The following UGT1A3 variants were observed in gnomAD, a reference collection of about 807,000 sequenced individuals.
UGT1A3 encodes UDP glucuronosyltransferase family 1 member A3.
A neutral mutation model predicts 41.0 loss-of-function variants in UGT1A3; 31 were observed. The observed-to-expected ratio is 0.76, with a 90% CI of 0.57 to 1.02. The LOEUF (loss-of-function observed/expected upper bound fraction) is 1.02, where lower values mean the gene tolerates loss of function less well. UGT1A3 is among the 50% of genes least tolerant of loss of function. The probability of loss-of-function intolerance (pLI) is 0.00; values close to 1 mark genes in which losing one functional copy is unlikely to be tolerated. For missense variants in UGT1A3, 737 were observed against 671.0 expected (o/e 1.10, Z -1.09); for synonymous variants, 262 against 257.6 (o/e 1.02, Z -0.17).
rs114982090 is a variant in UGT1A3, at chr2:233,772,309, C to T, written c.1355C>T (p.Pro452Leu). The T allele has an allele frequency of 2.3e-4, 377 of 1,614,206 alleles. No individual in the cohort carries two copies. The East Asian group carries it at 3.1e-3, about 13-fold the overall frequency. ...MRLSSLHKDR[P>L]VEPLDLAVFW... Reference sequence around the variant, plus strand: ...CTCTCCAGCCTTCACAAGGACCGCCCGGTGGAGCCGCTGGACCTGGCCGTG... The same window carrying T: ...CTCTCCAGCCTTCACAAGGACCGCCTGGTGGAGCCGCTGGACCTGGCCGTG... The change falls in exon 5 of 5, where the codon CCG becomes CTG. Residue 452 changes from proline (P) to leucine (L), a missense_variant. Pro to Leu is a moderately conservative substitution (Grantham distance 98). Coordinates refer to ENST00000482026, the MANE Select transcript of UGT1A3 (RefSeq NM_019093.4).
chr2:233,742,128 C>T (rs1691880797), intron 1 of UGT1A3, among the ~76,000 whole-genome samples: 1 of 151,756 alleles, frequency 6.6e-6, no homozygotes, highest in Admixed American at 6.5e-5. Flanking sequence ...TCGTGGAGAC[C>T]CTAACCCAGC....
intron 1 of UGT1A3, among the ~76,000 whole-genome samples, chr2:233,749,315 G>T (rs2125898237): frequency 6.6e-6 from 1 of 151,862 alleles, no homozygotes; most frequent in Middle Eastern, 3.4e-3. Flanking sequence ...GTGTTTATTA[G>T]ATTTGTAACA....
intron 1 of UGT1A3, chr2:233,743,539 T>C (rs34135810): frequency 0.015 from 20,568 of 1,367,214 alleles, 228 homozygotes; most frequent in South Asian, 0.027. Context: ...GCAGTTCCTC[T>C]GACCCCCCCA....
intron 1 of UGT1A3, chr2:233,753,510 T>G (rs1695226530): frequency 6.6e-6 from 1 of 152,246 alleles, no homozygotes; most frequent in Non-Finnish European, 1.5e-5. Context: ...GCCTGTCTAG[T>G]TGTTGCCCTT....
intron 1 of UGT1A3, chr2:233,755,020 T>G (rs552495015): frequency 7.7e-7 from 1 of 1,304,796 alleles, no homozygotes; most frequent in African/African-American, 1.5e-5. Context: ...AAGGGGTCCT[T>G]GAAGGGCCTG....
At chr2:233,732,002 T>C (rs950186664) in intron 1 of UGT1A3, among the ~76,000 whole-genome samples, 3 of 152,234 alleles carry the variant, frequency 2.0e-5, no homozygotes, top group South Asian at 2.1e-4. Context: ...TGGTATCTCA[T>C]TGTGGTTTTG....
At chr2:233,755,333 G>T (rs878855763) in intron 1 of UGT1A3, 4 of 455,148 alleles carry the variant, frequency 8.8e-6, no homozygotes, top group Admixed American at 7.1e-5. Context: ...CAGCACCCGC[G>T]CACAGGTCAG....
Position 233,769,695 on chromosome 2 carries a change from A to G in UGT1A3, c.1307+1256A>G, listed in dbSNP as rs1699919505. ...AATGTGTGTGTGGTGGCACTGGATA[A>G]AAGATCAATGTTGGCTAGGCACCAT... On this transcript the variant is annotated intron_variant, in intron 4 of 4. Transcript: ENST00000482026. The surrounding 1 kb of genome is among the most constrained non-coding windows in gnomAD (Gnocchi z 4.4). The G allele has an allele frequency of 6.5e-7, 1 of 1,540,004 alleles. No individual in the cohort carries two copies. Among genetic ancestry groups the G allele is most frequent in the South Asian group, 1.2e-5 (1 of 81,286 alleles).
chr2:233,760,258 G>T (rs1164776908), intron 1 of UGT1A3: 1 of 1,611,202 alleles, frequency 6.2e-7, no homozygotes, highest in South Asian at 1.1e-5. Flanking sequence ...AAGTAGGAGA[G>T]GGCGAACCTC....
chr2:233,746,553 C>T lies in UGT1A3; in HGVS notation c.867+16560C>T, dbSNP rs984942036. On this transcript the variant is annotated intron_variant, in intron 1 of 4. Transcript: ENST00000482026. The stretch of plus-strand genomic sequence containing the variant: ...GCTGCCCTGCTGTGTGACTTCTTAG[C>T]CCCTAGAGCACCACACCCTGTAATT... 4.6e-5 allele frequency among the ~76,000 whole-genome samples: 7 copies of T among 151,780 alleles called. 1 individual carries two copies. The highest frequency in any genetic ancestry group is 1.7e-4 in the African/African-American group (7 of 41,054).
At position 233,747,809 on chromosome 2, in the gene UGT1A3, G is replaced by T. The variant is rs955692001; in HGVS notation, c.867+17816G>T. 2.4e-5 allele frequency: 38 copies of T among 1,613,216 alleles called. No homozygotes were observed. In the Admixed American group the frequency reaches 6.2e-4, roughly 26 times the overall value. ...CCTCCTATATTCCTAAGTTACTAAC[G>T]ACCAATTCAGACCACATGACATTCC... On this transcript the variant is annotated intron_variant, in intron 1 of 4. Coordinates refer to ENST00000482026, the MANE Select transcript of UGT1A3 (RefSeq NM_019093.4).
At chr2:233,747,861 C>G (rs1332283136) in intron 1 of UGT1A3, 2 of 1,613,322 alleles carry the variant, frequency 1.2e-6, no homozygotes, top group African/African-American at 2.7e-5. Context: ...CATGCTCTAC[C>G]CTCTGGCCCT....
intron 1 of UGT1A3, among the ~76,000 whole-genome samples, chr2:233,765,711 T>TTAATAATAA (rs10664358): frequency 0.012 from 1,790 of 149,272 alleles, 15 homozygotes; most frequent in Middle Eastern, 0.045. Context: ...ATAATAATAA[T>TTAATAATAA]TAATAATAAT....
At chr2:233,760,776 C>G in intron 1 of UGT1A3, 1 of 1,613,940 alleles carries the variant, frequency 6.2e-7, no homozygotes, top group Non-Finnish European at 8.5e-7. Context: ...TGGCCCAGTA[C>G]CTGTCTCTGC....
intron 1 of UGT1A3, among the ~76,000 whole-genome samples, chr2:233,738,801 T>C (rs1338084324): frequency 2.0e-5 from 3 of 152,194 alleles, no homozygotes; most frequent in Non-Finnish European, 4.4e-5. Context: ...GCAGAAATAC[T>C]AGCTAAAGAA....
chr2:233,762,256 A>G lies in UGT1A3; in HGVS notation c.868-4778A>G, dbSNP rs529163977. Among the ~76,000 whole-genome samples, 14 of 152,334 alleles carry G rather than the reference A, an allele frequency of 9.2e-5. No homozygotes were observed. In the South Asian group the frequency reaches 1.5e-3, roughly 16 times the overall value. On this transcript the variant is annotated intron_variant, in intron 1 of 4. Coordinates refer to ENST00000482026, the MANE Select transcript of UGT1A3 (RefSeq NM_019093.4). ...AAGGCACAGAATAGGCACCCACCGA[A>G]TATGTGTTACATTAATGAATGAGAA...
rs34150486 is a variant in UGT1A3, at chr2:233,743,623, G to C, written c.867+13630G>C. The stretch of plus-strand genomic sequence containing the variant: ...GGCCGCCGAAGAACTCCCTGAAGAC[G>C]TCGGCTGGGTCGCGGAAGCTGAAGA... On this transcript the variant is annotated intron_variant, in intron 1 of 4. Coordinates refer to ENST00000482026, the MANE Select transcript of UGT1A3 (RefSeq NM_019093.4). The C allele has an allele frequency of 7.3e-5, 100 of 1,367,326 alleles. 1 individual carries two copies. In the East Asian group the frequency reaches 1.5e-3, roughly 20 times the overall value. The allele number at this position is 1,367,326 out of a possible 1,614,324, so 84.7% of individuals were successfully genotyped here. A position where few individuals can be genotyped will look rare whatever the true frequency, so the allele number is the denominator to read the frequency against.
chr2:233,772,622 C>G lies in UGT1A3; in HGVS notation c.*63C>G. ...CCCTAGTCATTTCCAAACTTGAAAA[C>G]AGAATCAGTGTTAAATTCATTTTAT... On this transcript the variant is annotated 3_prime_UTR_variant, in exon 5 of 5. Transcript: ENST00000482026. 2.6e-6 allele frequency: 4 copies of G among 1,567,434 alleles called. No individual in the cohort carries two copies. The highest frequency in any genetic ancestry group is 3.5e-6 in the Non-Finnish European group (4 of 1,155,382).
chr2:233,734,476 T>C (rs1027928479), intron 1 of UGT1A3, among the ~76,000 whole-genome samples: 15 of 152,296 alleles, frequency 9.8e-5, no homozygotes, highest in African/African-American at 3.6e-4. Context: ...CCTGGATTCA[T>C]TGATTTTTTT....
Sources: gnomAD v4.1 joint callset for allele counts (sites outside exome capture counted in the v4.1 genomes callset) on GRCh38, gnomAD v4.1.1 for gene constraint, Gnocchi (gnomAD v3.1) non-coding constraint, MANE v1.5 for transcripts, NCBI Gene and HGNC (gene_info 2026-07-23, HGNC 2026-07-21) for gene names.